CC2D2A: variants seen among roughly 807,000 people sequenced by gnomAD.
CC2D2A encodes coiled-coil and C2 domain-containing protein 2A.
In CC2D2A, 155 loss-of-function variants were observed where a neutral mutation model predicts 212.9. That is an observed-to-expected ratio of 0.73 (90% CI 0.64 to 0.83). The LOEUF (loss-of-function observed/expected upper bound fraction) is 0.83. Ranked by LOEUF, CC2D2A falls within the 40% of genes least tolerant of loss-of-function variation. The pLI is 0.00. For missense variants in CC2D2A, 1,856 were observed against 1,956.2 expected (o/e 0.95, Z 0.97); for synonymous variants, 667 against 686.5 (o/e 0.97, Z 0.44).
intron 28 of CC2D2A, among the ~76,000 whole-genome samples, chr4:15,570,830 G>C (rs1720129393): frequency 6.6e-6 from 1 of 152,178 alleles, no homozygotes; most frequent in South Asian, 2.1e-4. Context: ...AGAGGTTGCA[G>C]TGAGCCAAGA....
At position 15,480,840 on chromosome 4, in the gene CC2D2A, C is replaced by G; in HGVS notation, c.247+13C>G. 1 of 1,609,008 alleles carries G rather than the reference C, an allele frequency of 6.2e-7. No individual in the cohort carries two copies. Among genetic ancestry groups the G allele is most frequent in the Non-Finnish European group, 8.5e-7 (1 of 1,177,084 alleles). On this transcript the variant is annotated intron_variant, in intron 4 of 36. Coordinates refer to ENST00000424120, the MANE Select transcript of CC2D2A (RefSeq NM_001378615.1). ...AGAGGCCCACGGAGTAAGTGCCCCT[C>G]TTCCATTCAGCTACTGCTTGTTAAC...
At chr4:15,485,852 G>A (rs560952524) in intron 4 of CC2D2A, among the ~76,000 whole-genome samples, 1 of 152,200 alleles carries the variant, frequency 6.6e-6, no homozygotes, top group East Asian at 1.9e-4. Context: ...TGAGTTCCTA[G>A]TATATTCTGG....
Position 15,537,997 on chromosome 4 carries a change from T to A in CC2D2A, c.1863T>A (p.Pro621=), listed in dbSNP as rs1325653391. The change falls in exon 16 of 37, where the codon CCT becomes CCA. Residue 621 remains proline, a synonymous_variant. Coordinates refer to ENST00000424120, the MANE Select transcript of CC2D2A (RefSeq NM_001378615.1). The stretch of plus-strand genomic sequence containing the variant: ...AGGAGGACCTTGTGAAGCCCAGCCC[T>A]CCAGAGCCCACTGATCGGGCAGTGA... ...YPEEDLVKPS[P]PEPTDRAVIE... The A allele has an allele frequency of 6.2e-7, 1 of 1,609,788 alleles. No individual in the cohort carries two copies.
At chr4:15,574,114 C>A in intron 28 of CC2D2A, 36 bp from the exon 29 acceptor site, 2 of 1,479,536 alleles carry the variant, frequency 1.4e-6, no homozygotes, top group Non-Finnish European at 1.8e-6. Context: ...TTGGAAAAAG[C>A]ATCAGGATGT....
At position 15,550,819 on chromosome 4, in the gene CC2D2A, T is replaced by C; in HGVS notation, c.2182-5T>C. The C allele has an allele frequency of 6.4e-6, 10 of 1,554,834 alleles. No homozygotes were observed. The highest frequency in any genetic ancestry group is 8.8e-6 in the Non-Finnish European group (10 of 1,137,756). On this transcript the variant is annotated splice_region_variant and splice_polypyrimidine_tract_variant and intron_variant, in intron 17 of 36. Coordinates refer to ENST00000424120, the MANE Select transcript of CC2D2A (RefSeq NM_001378615.1). ...TATTGGCTATTTCTCTTCTCTGGTTTTCAGGTCTATGAAACTGTCGGACAC... is the reference window on the plus strand; with the variant it reads ...TATTGGCTATTTCTCTTCTCTGGTTCTCAGGTCTATGAAACTGTCGGACAC...
intron 4 of CC2D2A, among the ~76,000 whole-genome samples, chr4:15,493,701 C>A (rs1465244204): frequency 2.0e-5 from 3 of 152,182 alleles, no homozygotes; most frequent in Non-Finnish European, 4.4e-5. Flanking sequence ...TGGTCTATCT[C>A]CCCCACTGGC....
chr4:15,580,591 TTG>T (rs1286629991), intron 30 of CC2D2A, among the ~76,000 whole-genome samples: 1 of 143,866 alleles, frequency 7.0e-6, no homozygotes, highest in Non-Finnish European at 1.5e-5. Flanking sequence ...TGAGCCAAAA[TTG>T]TGTCATTGCA....
chr4:15,593,922 T>C (rs907034079), intron 33 of CC2D2A, among the ~76,000 whole-genome samples: 1 of 152,184 alleles, frequency 6.6e-6, no homozygotes. Flanking sequence ...AGGCAAATTG[T>C]CACTCCTCTA....
intron 11 of CC2D2A, among the ~76,000 whole-genome samples, chr4:15,524,693 T>C (rs373319635): frequency 1.0e-4 from 15 of 147,480 alleles, no homozygotes; most frequent in East Asian, 2.1e-4. Context: ...CCTCGTGATC[T>C]GCCCGCCTTG....
chr4:15,599,272 T>A (rs1340630941), intron 35 of CC2D2A, among the ~76,000 whole-genome samples: 1 of 152,234 alleles, frequency 6.6e-6, no homozygotes, highest in East Asian at 1.9e-4. Flanking sequence ...TTATAGCTCT[T>A]AGGATACACA....
At chr4:15,478,486 G>A (rs547703409) in intron 2 of CC2D2A, among the ~76,000 whole-genome samples, 1 of 152,338 alleles carries the variant, frequency 6.6e-6, no homozygotes, top group South Asian at 2.1e-4. Flanking sequence ...TGGAACAATG[G>A]AAGATCCAAC....
At chr4:15,563,964 T>C (rs950803803) in intron 24 of CC2D2A, 3 of 165,742 alleles carry the variant, frequency 1.8e-5, no homozygotes, top group African/African-American at 4.8e-5. Flanking sequence ...TAATCGCCGA[T>C]AGCCAGAGAG....
At chr4:15,601,152 T>TATC (rs1553845871) in intron 36 of CC2D2A, 85 bp from the exon 37 acceptor site, 11 of 1,133,634 alleles carry the variant, frequency 9.7e-6, no homozygotes, top group Non-Finnish European at 1.3e-5. Context: ...CCAGAACACT[T>TATC]ATCTTAATTG....
At chr4:15,475,874 T>C (rs1714179756) in intron 1 of CC2D2A, 41 bp from the exon 2 acceptor site, 1 of 1,449,006 alleles carries the variant, frequency 6.9e-7, no homozygotes, top group South Asian at 1.2e-5. Flanking sequence ...CAATATTTCA[T>C]TGATTTCAAA....
rs1193292111 is a variant in CC2D2A at position 15,601,375 on chromosome 4, A to C, written c.4813A>C (p.Asn1605His). 1 of 1,580,512 alleles carries C rather than the reference A, an allele frequency of 6.3e-7. No homozygotes were observed. The highest frequency in any genetic ancestry group is 8.6e-7 in the Non-Finnish European group (1 of 1,160,382). The change falls in exon 37 of 37, where the codon AAT (asparagine) becomes CAT (histidine). Residue 1605 changes from asparagine (N) to histidine (H), a missense_variant. This residue lies in a region of CC2D2A where 285 missense variants were observed against 278.4 expected (regional missense o/e 1.02). Coordinates refer to ENST00000424120, the MANE Select transcript of CC2D2A (RefSeq NM_001378615.1). Reference sequence around the variant, plus strand: ...TGTATACATACACCCATACCCCAAAAATGTTTTGTCTGTTTGGATCTATGT... The same window carrying C: ...TGTATACATACACCCATACCCCAAACATGTTTTGTCTGTTTGGATCTATGT... ...LAVYIHPYPK[N>H]VLSVWIYVAS...
intron 11 of CC2D2A, among the ~76,000 whole-genome samples, chr4:15,517,586 GTCTGCCTC>G (rs1229654524): frequency 6.6e-6 from 1 of 152,160 alleles, no homozygotes; most frequent in East Asian, 1.9e-4. Flanking sequence ...CGATAGCAGT[GTCTGCCTC>G]CCAGGCTTGC....
intron 4 of CC2D2A, 42 bp from the exon 5 acceptor site, chr4:15,502,387 C>CTTT: frequency 2.4e-6 from 3 of 1,259,634 alleles, no homozygotes; most frequent in South Asian, 3.2e-5. Context: ...TTTTCTTTTT[C>CTTT]TTTTTTTTTT....
chr4:15,519,065 T>C (rs1257062191), intron 11 of CC2D2A, among the ~76,000 whole-genome samples: 4 of 152,190 alleles, frequency 2.6e-5, no homozygotes, highest in Admixed American at 2.6e-4. Context: ...TTCTATTACA[T>C]TGTAAGGCTG....
At chr4:15,502,733 C>T (rs1286600282) in intron 5 of CC2D2A, 89 bp from the exon 6 acceptor site, 8 of 1,208,232 alleles carry the variant, frequency 6.6e-6, no homozygotes, top group Admixed American at 2.3e-5. Flanking sequence ...TTGCTCTTCC[C>T]CTTAAAGAAG....
Sources: allele counts gnomAD v4.1 joint callset (sites outside exome capture counted in the v4.1 genomes callset), GRCh38; gene constraint gnomAD v4.1.1; regional missense constraint gnomAD v4.1.1; transcripts MANE v1.5; gene names NCBI Gene and HGNC (gene_info 2026-07-23, HGNC 2026-07-21).